The following PCGF3 variants were observed in gnomAD, a reference collection of about 807,000 sequenced individuals.
PCGF3 encodes the protein polycomb group ring finger 3, also known as polycomb group RING finger protein 3.
Under a neutral mutation model 33.1 loss-of-function variants are expected in PCGF3, and 7 were observed. That is an observed-to-expected ratio of 0.21 (90% CI 0.12 to 0.40). The LOEUF (loss-of-function observed/expected upper bound fraction) is 0.40, where lower values mean the gene tolerates loss of function less well. PCGF3 is among the 10% of genes least tolerant of loss of function. The pLI is 1.00. For missense variants in PCGF3, 211 were observed against 313.3 expected (o/e 0.67, Z 2.46); for synonymous variants, 153 against 121.3 (o/e 1.26, Z -1.72).
At chr4:730,272 G>C (rs11735280) in intron 1 of PCGF3, among the ~76,000 whole-genome samples, 36,624 of 152,102 alleles carry the variant, frequency 0.24, 5,022 homozygotes, top group South Asian at 0.36. Context: ...TCTTGCATTT[G>C]CCCAGATCAC....
chr4:720,678 G>A lies in PCGF3; in HGVS notation c.-189-9952G>A, dbSNP rs908785525. The stretch of plus-strand genomic sequence containing the variant: ...GGCGGTGACGTGCGTGTGGACCCGG[G>A]GTGGACGGGCGGTGACGTGCGTGTG... On this transcript the variant is annotated intron_variant, in intron 1 of 10. Transcript: ENST00000362003. The surrounding 1 kb of genome is among the most constrained non-coding windows in gnomAD (Gnocchi z 5.6). 1.3e-5 allele frequency among the ~76,000 whole-genome samples: 2 copies of A among 148,164 alleles called. No homozygotes were observed. Among genetic ancestry groups the A allele is most frequent in the Non-Finnish European group, 3.0e-5 (2 of 67,020 alleles).
At chr4:759,971 C>G (rs1046888256) in intron 8 of PCGF3, among the ~76,000 whole-genome samples, 3 of 152,106 alleles carry the variant, frequency 2.0e-5, no homozygotes, top group Non-Finnish European at 4.4e-5. Context: ...CTCCCGAGTT[C>G]TCTCTCCAGA....
chr4:761,478 C>T (rs1745054067), intron 9 of PCGF3, 62 bp downstream of exon 9: 39 of 1,475,410 alleles, frequency 2.6e-5, no homozygotes, highest in Non-Finnish European at 3.6e-5. Context: ...AAGGTAACTC[C>T]AAGATTCTTT....
At chr4:756,206 C>A (rs1232462600) in intron 8 of PCGF3, among the ~76,000 whole-genome samples, 2 of 149,350 alleles carry the variant, frequency 1.3e-5, no homozygotes, top group African/African-American at 4.9e-5. Context: ...TGAGCCACCG[C>A]CGCACTTGGC....
chr4:713,630 G>A (rs1742679705), intron 1 of PCGF3, among the ~76,000 whole-genome samples: 1 of 152,142 alleles, frequency 6.6e-6, no homozygotes, highest in South Asian at 2.1e-4. Flanking sequence ...GGTCTTGTGA[G>A]CTGTCACATT....
At chr4:707,445 TCCCCCGGGACCCTGAGACA>T (rs1742355851) in intron 1 of PCGF3, among the ~76,000 whole-genome samples, 10 of 151,546 alleles carry the variant, frequency 6.6e-5, no homozygotes, top group African/African-American at 2.4e-4. Flanking sequence ...CTGCCCCGTC[TCCCCCGGGACCCTGAGACA>T]GCCCTGTTTT....
intron 10 of PCGF3, 39 bp from the exon 11 acceptor site, chr4:765,993 C>G: frequency 1.9e-6 from 3 of 1,602,620 alleles, no homozygotes; most frequent in Non-Finnish European, 2.6e-6. Context: ...TCGCCTCCAC[C>G]CCTGCTAAGC....
chr4:733,348 C>T (rs1218507968), intron 3 of PCGF3, among the ~76,000 whole-genome samples: 7 of 152,208 alleles, frequency 4.6e-5, no homozygotes, highest in African/African-American at 9.6e-5. Context: ...ACAGACAGCT[C>T]GGGGATCCTG....
intron 8 of PCGF3, among the ~76,000 whole-genome samples, chr4:749,072 A>G (rs1300273964): frequency 6.6e-6 from 1 of 152,134 alleles, no homozygotes; most frequent in Non-Finnish European, 1.5e-5. Context: ...ACTTTTACTA[A>G]TATTTACCTT....
At chr4:759,880 A>C in intron 8 of PCGF3, among the ~76,000 whole-genome samples, 1 of 88,666 alleles carries the variant, frequency 1.1e-5, no homozygotes. Context: ...CTCCTTCCGG[A>C]CTCCGGGTCT....
intron 8 of PCGF3, among the ~76,000 whole-genome samples, chr4:751,534 C>T (rs1478587357): frequency 4.6e-5 from 7 of 151,906 alleles, no homozygotes; most frequent in African/African-American, 1.5e-4. Context: ...ACACCAGAGA[C>T]AGTCGTTTCT....
chr4:709,518 A>C (rs918812420), intron 1 of PCGF3, among the ~76,000 whole-genome samples: 4 of 152,240 alleles, frequency 2.6e-5, no homozygotes, highest in Non-Finnish European at 5.9e-5. Flanking sequence ...GAAAGGCAAG[A>C]GTGAATGATG....
chr4:735,240 A>T (rs956374454), intron 5 of PCGF3, among the ~76,000 whole-genome samples: 2 of 152,234 alleles, frequency 1.3e-5, no homozygotes, highest in Non-Finnish European at 2.9e-5. Context: ...GTGCCTGCAC[A>T]TACATTTCCA....
intron 1 of PCGF3, among the ~76,000 whole-genome samples, chr4:718,566 C>T (rs1286499861): frequency 1.3e-5 from 2 of 152,262 alleles, no homozygotes; most frequent in Non-Finnish European, 2.9e-5. Flanking sequence ...CCTGTCCAGT[C>T]TCAGCCCTGT....
intron 8 of PCGF3, among the ~76,000 whole-genome samples, chr4:760,549 GACAT>G (rs1234178710): frequency 1.3e-5 from 2 of 152,142 alleles, no homozygotes; most frequent in Admixed American, 6.5e-5. Context: ...TGTAATTTTA[GACAT>G]ACATGTTTCA....
chr4:752,651 G>A (rs1026274483), intron 8 of PCGF3, among the ~76,000 whole-genome samples: 5 of 152,298 alleles, frequency 3.3e-5, no homozygotes, highest in South Asian at 2.1e-4. Flanking sequence ...GGGGTGGGGG[G>A]CCATGCAGTC....
At chr4:763,819 AGATAAGT>A (rs1187586214) in intron 9 of PCGF3, among the ~76,000 whole-genome samples, 1 of 152,242 alleles carries the variant, frequency 6.6e-6, no homozygotes, top group Non-Finnish European at 1.5e-5. Context: ...GCCCTTCAGT[AGATAAGT>A]GGAAAAATAA....
chr4:754,114 C>T (rs959887809), intron 8 of PCGF3, among the ~76,000 whole-genome samples: 2 of 152,154 alleles, frequency 1.3e-5, no homozygotes, highest in Non-Finnish European at 2.9e-5. Flanking sequence ...TTAGGAAACC[C>T]TTACCGGGCC....
At position 739,431 on chromosome 4, in the gene PCGF3, G is replaced by T. The variant is rs369971482; in HGVS notation, c.262+1910G>T. Reference sequence around the variant, plus strand: ...GGTCTTGAACTCCTGGGCTCAAGCAGTCCTCCTGCCTTGGCCTCCCAAAGT... The same window carrying T: ...GGTCTTGAACTCCTGGGCTCAAGCATTCCTCCTGCCTTGGCCTCCCAAAGT... On this transcript the variant is annotated intron_variant, in intron 6 of 10. Transcript: ENST00000362003. 2.0e-4 allele frequency among the ~76,000 whole-genome samples: 31 copies of T among 152,288 alleles called. 2 individuals carry two copies. The South Asian group carries it at 2.5e-3, about 12-fold the overall frequency.
Sources: allele counts gnomAD v4.1 joint callset (sites outside exome capture counted in the v4.1 genomes callset), GRCh38; gene constraint gnomAD v4.1.1; non-coding constraint Gnocchi (gnomAD v3.1); transcripts MANE v1.5; gene names NCBI Gene and HGNC (gene_info 2026-07-23, HGNC 2026-07-21).